Variants in GABRB1 observed in about 807,000 individuals in gnomAD.
The protein encoded by GABRB1 is gamma-aminobutyric acid type A receptor subunit beta1.
In GABRB1, 17 loss-of-function variants were observed where a neutral mutation model predicts 51.6. That is an observed-to-expected ratio of 0.33 (90% CI 0.23 to 0.49). GABRB1 has a LOEUF of 0.49. Ranked by LOEUF, GABRB1 falls within the 20% of genes least tolerant of loss-of-function variation. The pLI is 0.99. For missense variants in GABRB1, 410 were observed against 600.6 expected, an observed-to-expected ratio of 0.68 and a Z score of 3.32; for synonymous variants, 247 against 218.9, an observed-to-expected ratio of 1.13 and a Z score of -1.14.
At chr4:47,261,423 G>A (rs1165581227) in intron 4 of GABRB1, among the ~76,000 whole-genome samples, 3 of 152,084 alleles carry the variant, frequency 2.0e-5, no homozygotes, top group South Asian at 4.1e-4. Flanking sequence ...GCCAAATCAT[G>A]AGTGAACTCC....
chr4:47,256,770 G>A (rs1722218562), intron 4 of GABRB1, among the ~76,000 whole-genome samples: 1 of 152,034 alleles, frequency 6.6e-6, no homozygotes, highest in African/African-American at 2.4e-5. Context: ...ACAGCAAGAG[G>A]GAAGTCCATA....
At chr4:47,288,474 G>A (rs1173826706) in intron 4 of GABRB1, among the ~76,000 whole-genome samples, 1 of 152,006 alleles carries the variant, frequency 6.6e-6, no homozygotes, top group African/African-American at 2.4e-5. Flanking sequence ...ACATTAGCCA[G>A]GATGGTCTTG....
intron 5 of GABRB1, among the ~76,000 whole-genome samples, chr4:47,381,760 C>A (rs142693006): frequency 2.6e-5 from 4 of 152,184 alleles, no homozygotes; most frequent in Admixed American, 1.3e-4. Flanking sequence ...CTCTTTCCCC[C>A]CTTCCCTGCC....
At chr4:47,235,645 A>T (rs753929552) in intron 4 of GABRB1, among the ~76,000 whole-genome samples, 4 of 152,104 alleles carry the variant, frequency 2.6e-5, no homozygotes, top group Non-Finnish European at 5.9e-5. Context: ...TTTATATATC[A>T]GAAACCTGAA....
intron 4 of GABRB1, among the ~76,000 whole-genome samples, chr4:47,311,512 A>G (rs1724682875): frequency 6.6e-6 from 1 of 150,628 alleles, no homozygotes; most frequent in Non-Finnish European, 1.5e-5. Context: ...CAGGAGAGTG[A>G]GATGTGCTTT....
chr4:47,209,918 C>T (rs1006166121), intron 4 of GABRB1, among the ~76,000 whole-genome samples: 1 of 152,058 alleles, frequency 6.6e-6, no homozygotes, highest in Non-Finnish European at 1.5e-5. Flanking sequence ...GTGCCCCTTC[C>T]CTCCTGGTTG....
intron 4 of GABRB1, among the ~76,000 whole-genome samples, chr4:47,257,771 CTT>C (rs1216506904): frequency 2.6e-5 from 4 of 151,162 alleles, no homozygotes; most frequent in Non-Finnish European, 5.9e-5. Flanking sequence ...GAAAAAAAGA[CTT>C]TACTTTGTTC....
chr4:47,367,954 T>C lies in GABRB1; in HGVS notation c.545-35364T>C, dbSNP rs563358907. Among the ~76,000 whole-genome samples the C allele has an allele frequency of 4.7e-4, 71 of 152,252 alleles. 2 individuals are homozygous for C. The highest frequency in any genetic ancestry group is 1.6e-3 in the African/African-American group (66 of 41,538). On this transcript the variant is annotated intron_variant, in intron 5 of 8. Coordinates refer to ENST00000295454, the MANE Select transcript of GABRB1 (RefSeq NM_000812.4). ...TCACATGAAACAAAGGAAAAGGAAGTGGAGGGCAGCCAATATCTGCCTAAG... is the reference window on the plus strand; with the variant it reads ...TCACATGAAACAAAGGAAAAGGAAGCGGAGGGCAGCCAATATCTGCCTAAG...
intron 4 of GABRB1, among the ~76,000 whole-genome samples, chr4:47,282,973 A>G (rs1560313058): frequency 6.6e-6 from 1 of 152,226 alleles, no homozygotes; most frequent in South Asian, 2.1e-4. Flanking sequence ...TGGGAGGACC[A>G]TATCACTCTT....
intron 1 of GABRB1, among the ~76,000 whole-genome samples, chr4:47,008,158 A>C (rs1167301440): frequency 4.6e-5 from 7 of 152,112 alleles, no homozygotes; most frequent in Non-Finnish European, 8.8e-5. Flanking sequence ...AATGACTCCC[A>C]GATTTTTGTC....
intron 4 of GABRB1, among the ~76,000 whole-genome samples, chr4:47,245,158 G>A (rs1721695052): frequency 6.6e-6 from 1 of 152,088 alleles, no homozygotes; most frequent in Non-Finnish European, 1.5e-5. Flanking sequence ...AAATGATAAA[G>A]GGGATATCAC....
At chr4:47,394,669 G>GA (rs1728120640) in intron 5 of GABRB1, among the ~76,000 whole-genome samples, 1 of 151,702 alleles carries the variant, frequency 6.6e-6, no homozygotes, top group Non-Finnish European at 1.5e-5. Flanking sequence ...CTATCTTTAT[G>GA]AAAAAGTTCG....
At chr4:47,144,523 A>G (rs1046848707) in intron 3 of GABRB1, among the ~76,000 whole-genome samples, 13 of 152,020 alleles carry the variant, frequency 8.6e-5, no homozygotes, top group African/African-American at 2.9e-4. Context: ...TGCCGTGGTA[A>G]CAACTACTAC....
At chr4:47,231,206 A>G (rs1280216858) in intron 4 of GABRB1, among the ~76,000 whole-genome samples, 1 of 152,184 alleles carries the variant, frequency 6.6e-6, no homozygotes, top group African/African-American at 2.4e-5. Context: ...TATTAAGACA[A>G]TGTATGATGT....
intron 1 of GABRB1, among the ~76,000 whole-genome samples, chr4:47,000,935 G>A (rs1462573834): frequency 2.0e-5 from 3 of 152,126 alleles, no homozygotes; most frequent in Non-Finnish European, 4.4e-5. Context: ...TAACAAAGAT[G>A]TAAATACTGA....
chr4:47,074,872 A>G (rs920441542), intron 3 of GABRB1, among the ~76,000 whole-genome samples: 2 of 152,258 alleles, frequency 1.3e-5, no homozygotes, highest in African/African-American at 4.8e-5. Context: ...ACTAAGTGGC[A>G]GATGGGGTAC....
chr4:47,261,945 G>T (rs1251559122), intron 4 of GABRB1, among the ~76,000 whole-genome samples: 5 of 151,716 alleles, frequency 3.3e-5, no homozygotes, highest in Admixed American at 6.6e-5. Context: ...AATGGGGAAA[G>T]GATTCCCTAT....
chr4:47,384,993 T>C (rs16860182), intron 5 of GABRB1, among the ~76,000 whole-genome samples: 3,086 of 152,280 alleles, frequency 0.02, 121 homozygotes, highest in African/African-American at 0.07. Flanking sequence ...GCACATGGGG[T>C]TAATTCCTTT....
At chr4:47,208,960 CTT>C (rs1720246488) in intron 4 of GABRB1, among the ~76,000 whole-genome samples, 1 of 151,920 alleles carries the variant, frequency 6.6e-6, no homozygotes, top group Admixed American at 6.6e-5. Flanking sequence ...CAGGAATTGA[CTT>C]GATATTAAAA....
Sources: gnomAD v4.1 joint callset for allele counts (sites outside exome capture counted in the v4.1 genomes callset) on GRCh38, gnomAD v4.1.1 for gene constraint, MANE v1.5 for transcripts, NCBI Gene and HGNC (gene_info 2026-07-23, HGNC 2026-07-21) for gene names.